The following RAPGEF1 variants were observed in gnomAD, a reference collection of about 807,000 sequenced individuals.
The protein encoded by RAPGEF1 is Rap guanine nucleotide exchange factor 1.
A neutral mutation model predicts 143.3 loss-of-function variants in RAPGEF1; 33 were observed. That is an observed-to-expected ratio of 0.23 (90% CI 0.17 to 0.31). The LOEUF (loss-of-function observed/expected upper bound fraction) is 0.31, where lower values mean the gene tolerates loss of function less well. Ranked by LOEUF, RAPGEF1 falls within the 10% of genes least tolerant of loss-of-function variation. The pLI, the probability that RAPGEF1 is intolerant of heterozygous loss-of-function variation, is 1.00. For synonymous variants in RAPGEF1, 629 were observed against 676.5 expected (o/e 0.93, Z 1.09); for missense variants, 1,199 against 1,645.4 (o/e 0.73, Z 4.69).
rs1337380772 is a variant in RAPGEF1 at position 131,578,411 on chromosome 9, G to A, written c.*1086C>T. ...AGGCTTCTGCCTCCCTGCACCCTGA[G>A]GGACCATTCGGGTGCCTCAGGGATG... On this transcript the variant is annotated 3_prime_UTR_variant, in exon 27 of 27. Coordinates refer to ENST00000683357, the MANE Select transcript of RAPGEF1 (RefSeq NM_001377935.1). 2 of 152,368 alleles carry A rather than the reference G, an allele frequency of 1.3e-5. No individual in the cohort carries two copies. Among genetic ancestry groups the A allele is most frequent in the African/African-American group, 2.4e-5 (1 of 41,462 alleles). 9.4% of individuals were successfully genotyped at this position (152,368 alleles called of 1,614,324 possible). A position where few individuals can be genotyped will look rare whatever the true frequency, so the allele number is the denominator to read the frequency against.
Position 131,675,470 on chromosome 9 carries a change from A to G in RAPGEF1, c.62-24521T>C, listed in dbSNP as rs1467340296. 6.6e-6 allele frequency among the ~76,000 whole-genome samples: 1 copy of G among 152,244 alleles called. No individual in the cohort carries two copies. Among genetic ancestry groups the G allele is most frequent in the Non-Finnish European group, 1.5e-5 (1 of 68,048 alleles). ...GAGAAAGGATTAATTCAGAAATCTA[A>G]AAATGGTCCCCAACAGGCTGAGAAG... is the stretch of plus-strand genomic sequence containing the variant. On this transcript the variant is annotated intron_variant, in intron 1 of 26. Coordinates refer to ENST00000683357, the MANE Select transcript of RAPGEF1 (RefSeq NM_001377935.1). The surrounding 1 kb of genome is among the most constrained non-coding windows in gnomAD (Gnocchi z 4.6).
Position 131,696,119 on chromosome 9 carries a change from TC to T in RAPGEF1, c.61+43650del, listed in dbSNP as rs201069521. Among the ~76,000 whole-genome samples, 1,337 of 151,624 alleles carry T rather than the reference TC, an allele frequency of 8.8e-3. 7 individuals are homozygous for T. Among genetic ancestry groups the T allele is most frequent in the Admixed American group, 0.014 (210 of 15,144 alleles). The stretch of plus-strand genomic sequence containing the variant: ...TCGCCTCACCACAGGACAGCTGGTC[TC>T]CCCCCAGAGCAGGGGATCCAAGAGA... On this transcript the variant is annotated intron_variant, in intron 1 of 26. Coordinates refer to ENST00000683357, the MANE Select transcript of RAPGEF1 (RefSeq NM_001377935.1).
chr9:131,585,938 G>A (rs777888199), intron 22 of RAPGEF1, among the ~76,000 whole-genome samples: 2 of 152,128 alleles, frequency 1.3e-5, no homozygotes, highest in African/African-American at 2.4e-5. Flanking sequence ...CCAGCACTTT[G>A]GGAGGCTGAG....
At chr9:131,608,581 T>A (rs1957486398) in intron 12 of RAPGEF1, among the ~76,000 whole-genome samples, 1 of 152,178 alleles carries the variant, frequency 6.6e-6, no homozygotes, top group African/African-American at 2.4e-5. Context: ...CGGCCTCTCT[T>A]GGACAAAGGG....
intron 12 of RAPGEF1, among the ~76,000 whole-genome samples, chr9:131,606,222 C>T (rs552520857): frequency 1.6e-4 from 25 of 152,326 alleles, no homozygotes; most frequent in Non-Finnish European, 3.4e-4. Context: ...TGAGCACCCC[C>T]GGCTGGGGCT....
chr9:131,658,245 T>C (rs898241318), intron 1 of RAPGEF1, among the ~76,000 whole-genome samples: 3 of 152,180 alleles, frequency 2.0e-5, no homozygotes, highest in African/African-American at 7.2e-5. Context: ...ACTAGCAAGG[T>C]TGGGAGAGTC....
chr9:131,650,701 A>C lies in RAPGEF1; in HGVS notation c.201+109T>G. ...TCCCGCCCATGGAATGCTACGAAGTAGGTATGATGCACTGAAAGCTCAATC... is the reference window on the plus strand; with the variant it reads ...TCCCGCCCATGGAATGCTACGAAGTCGGTATGATGCACTGAAAGCTCAATC... On this transcript the variant is annotated intron_variant, in intron 2 of 26. Transcript: ENST00000683357. This position sits in a 1 kb window ranked among gnomAD's most constrained non-coding sequence, Gnocchi z 4.7. 1 of 1,441,480 alleles carries C rather than the reference A, an allele frequency of 6.9e-7. No homozygotes were observed. The highest frequency in any genetic ancestry group is 9.4e-7 in the Non-Finnish European group (1 of 1,060,416). 89.3% of individuals were successfully genotyped at this position (1,441,480 alleles called of 1,614,324 possible).
Position 131,626,210 on chromosome 9 carries a change from C to A in RAPGEF1, c.1414G>T (p.Ala472Ser), listed in dbSNP as rs1486903332. 5.6e-6 allele frequency: 9 copies of A among 1,613,768 alleles called. No homozygotes were observed. The African/African-American group carries it at 1.2e-4, about 22-fold the overall frequency. The change falls in exon 10 of 27, where the codon GCT becomes TCT. Residue 472 changes from alanine (A) to serine (S), a missense_variant. By Grantham distance (99) the Ala-to-Ser change is moderately conservative. Around this residue, in one of 6 missense-constraint regions of RAPGEF1, gnomAD observed 613 missense variants for 710.9 expected, o/e 0.86. Transcript: ENST00000683357. ...CTCCTGCGCTTCTTCTCGGGGAGAG[C>A]AGGTGGCGTATCTGTCTGCTGCCCT... is the stretch of plus-strand genomic sequence containing the variant. ...APGQQTDTPP[A>S]LPEKKRRSAA...
rs1953462993 is a variant in RAPGEF1, at chr9:131,587,980, G to A, written c.3100C>T (p.Leu1034=). The part of the protein sequence containing the change: ...DFHSHEIAEQ[L]TLLDAELFYK... Reference sequence around the variant, plus strand: ...AAGAGCTCAGCATCCAGCAGCGTTAGCTGCTCCGCTATCTCATGGCTGTGA... The same window carrying A: ...AAGAGCTCAGCATCCAGCAGCGTTAACTGCTCCGCTATCTCATGGCTGTGA... Residue 1034 remains leucine, a synonymous_variant, in exon 21 of 27, where the codon CTA becomes TTA. Transcript: ENST00000683357. The A allele has an allele frequency of 2.5e-6, 4 of 1,613,276 alleles. No individual in the cohort carries two copies. The highest frequency in any genetic ancestry group is 3.4e-6 in the Non-Finnish European group (4 of 1,179,664).
Position 131,724,791 on chromosome 9 carries a change from A to G in RAPGEF1, c.61+14979T>C, listed in dbSNP as rs190692692. Among the ~76,000 whole-genome samples, 9 of 152,264 alleles carry G rather than the reference A, an allele frequency of 5.9e-5. No individual in the cohort carries two copies. In the East Asian group the frequency reaches 1.5e-3, roughly 26 times the overall value. On this transcript the variant is annotated intron_variant, in intron 1 of 26. Transcript: ENST00000683357. ...GGAAATGTCAAGGTCCCCCCTAAAG[A>G]TCTTGTGATTCTGTTCTCCCTTGTT...
At chr9:131,629,634 T>C (rs997886955) in intron 6 of RAPGEF1, among the ~76,000 whole-genome samples, 1 of 151,906 alleles carries the variant, frequency 6.6e-6, no homozygotes, top group Non-Finnish European at 1.5e-5. Context: ...CTACTAAAAA[T>C]ACAAAAATTA....
chr9:131,610,884 C>T (rs890877928), intron 12 of RAPGEF1, among the ~76,000 whole-genome samples: 3 of 152,200 alleles, frequency 2.0e-5, no homozygotes, highest in Middle Eastern at 3.2e-3. Context: ...TGACCACTCC[C>T]AGGACACCCT....
At chr9:131,671,403 C>T (rs1298958907) in intron 1 of RAPGEF1, among the ~76,000 whole-genome samples, 2 of 152,240 alleles carry the variant, frequency 1.3e-5, no homozygotes, top group Non-Finnish European at 2.9e-5. Flanking sequence ...AACACACCTT[C>T]CCCTTGAAAC....
In RAPGEF1 at chr9:131,598,613, C is replaced by T. The variant is rs376432196; in HGVS notation, c.2502-303G>A. On this transcript the variant is annotated intron_variant, in intron 15 of 26. Coordinates refer to ENST00000683357, the MANE Select transcript of RAPGEF1 (RefSeq NM_001377935.1). ...TCAGCCACTCCCTGCCAAGGCCCACCGCACAGTTAGCATTTAGGGAGAGGA... is the reference window on the plus strand; with the variant it reads ...TCAGCCACTCCCTGCCAAGGCCCACTGCACAGTTAGCATTTAGGGAGAGGA... 64 of 515,512 alleles carry T rather than the reference C, an allele frequency of 1.2e-4. 1 individual carries two copies. In the East Asian group the frequency reaches 2.7e-3, roughly 22 times the overall value. 31.9% of individuals were successfully genotyped at this position (515,512 alleles called of 1,614,324 possible). A position where few individuals can be genotyped will look rare whatever the true frequency, so the allele number is the denominator to read the frequency against.
chr9:131,701,037 AAC>A (rs1834603555), intron 1 of RAPGEF1, among the ~76,000 whole-genome samples: 1 of 152,140 alleles, frequency 6.6e-6, no homozygotes, highest in South Asian at 2.1e-4. Flanking sequence ...GGCCCCCTGA[AAC>A]AGTTATCCAG....
chr9:131,698,678 G>A (rs1006660873), intron 1 of RAPGEF1, among the ~76,000 whole-genome samples: 2 of 152,218 alleles, frequency 1.3e-5, no homozygotes, highest in Non-Finnish European at 2.9e-5. Context: ...AAATAAAGTA[G>A]AGGTAACTGT....
At chr9:131,727,592 G>A (rs182774932) in intron 1 of RAPGEF1, among the ~76,000 whole-genome samples, 2 of 152,070 alleles carry the variant, frequency 1.3e-5, no homozygotes, top group Non-Finnish European at 1.5e-5. Flanking sequence ...TGACTCACAC[G>A]CTCCCCATGA....
At chr9:131,705,093 G>T (rs902279316) in intron 1 of RAPGEF1, among the ~76,000 whole-genome samples, 3 of 152,084 alleles carry the variant, frequency 2.0e-5, no homozygotes, top group Non-Finnish European at 4.4e-5. Context: ...ACATTTCCAG[G>T]TCCCAAATAA....
intron 3 of RAPGEF1, among the ~76,000 whole-genome samples, chr9:131,648,032 A>G (rs1970118823): frequency 6.6e-6 from 1 of 152,196 alleles, no homozygotes; most frequent in African/African-American, 2.4e-5. Flanking sequence ...CAGGCACCCC[A>G]CTAAATGAGC....
Sources: allele counts gnomAD v4.1 joint callset (sites outside exome capture counted in the v4.1 genomes callset), GRCh38; gene constraint gnomAD v4.1.1; regional missense constraint gnomAD v4.1.1; non-coding constraint Gnocchi (gnomAD v3.1); transcripts MANE v1.5; gene names NCBI Gene and HGNC (gene_info 2026-07-23, HGNC 2026-07-21).